The following ODR4 variants were observed in gnomAD, a reference collection of about 807,000 sequenced individuals.
ODR4 encodes protein odr-4 homolog.
ODR4 carries 47 observed loss-of-function variants against 60.2 expected under a neutral mutation model. The ratio of observed to expected loss-of-function variants is 0.78; its 90% CI spans 0.62 to 1.00. ODR4 has a LOEUF of 1.00. ODR4 is among the 50% of genes least tolerant of loss of function. The pLI, the probability that ODR4 is intolerant of heterozygous loss-of-function variation, is 0.00. For missense variants in ODR4, 488 were observed against 530.8 expected (o/e 0.92, Z 0.79); for synonymous variants, 178 against 175.5 (o/e 1.01, Z -0.11).
At chr1:186,378,222 C>G (rs1659867572) in intron 1 of ODR4, among the ~76,000 whole-genome samples, 2 of 152,156 alleles carry the variant, frequency 1.3e-5, no homozygotes, top group Non-Finnish European at 2.9e-5. Context: ...TTACTGGTAT[C>G]AGATATACCA....
chr1:186,395,531 T>C (rs1485106356), intron 9 of ODR4, among the ~76,000 whole-genome samples: 4 of 152,204 alleles, frequency 2.6e-5, no homozygotes, highest in African/African-American at 9.7e-5. Context: ...CAGTTAAGTC[T>C]TATTGATTCC....
chr1:186,379,503 C>T (rs1048420349), intron 1 of ODR4, among the ~76,000 whole-genome samples: 2 of 151,242 alleles, frequency 1.3e-5, no homozygotes, highest in African/African-American at 2.4e-5. Flanking sequence ...TATCCTCTCC[C>T]TTATCCCAGG....
intron 9 of ODR4, among the ~76,000 whole-genome samples, chr1:186,394,474 G>T (rs1401043479): frequency 6.6e-6 from 1 of 152,058 alleles, no homozygotes; most frequent in African/African-American, 2.4e-5. Context: ...ATGTATGGTT[G>T]CTTTAATTTA....
At chr1:186,379,375 A>G (rs1426711823) in intron 1 of ODR4, among the ~76,000 whole-genome samples, 1 of 150,618 alleles carries the variant, frequency 6.6e-6, no homozygotes, top group East Asian at 2.0e-4. Context: ...CCTGGGAGGC[A>G]GAGGTTACAG....
rs144111249 is a variant in ODR4 at position 186,410,596 on chromosome 1, G to A, written c.1186+4328G>A. ...TAAGAGTACCTAAGAACTCCATCAAGATTAGTGATCAGAATTTTAGGGTCT... is the reference window on the plus strand; with the variant it reads ...TAAGAGTACCTAAGAACTCCATCAAAATTAGTGATCAGAATTTTAGGGTCT... On this transcript the variant is annotated intron_variant, in intron 12 of 13. Coordinates refer to ENST00000287859, the MANE Select transcript of ODR4 (RefSeq NM_017847.6). Among the ~76,000 whole-genome samples, 23 of 152,298 alleles carry A rather than the reference G, an allele frequency of 1.5e-4. No homozygotes were observed. The East Asian group carries it at 4.2e-3, about 28-fold the overall frequency.
In ODR4 at chr1:186,382,269, A is replaced by G. The variant is rs560517501; in HGVS notation, c.100-753A>G. Among the ~76,000 whole-genome samples, 499 of 150,032 alleles carry G rather than the reference A, an allele frequency of 3.3e-3. 3 individuals carry two copies. The highest frequency in any genetic ancestry group is 2.4e-3 in the Admixed American group (36 of 15,062). ...AAAAGTAAAAAAAAAAAAAAAAAAA[A>G]GCCAGGCATTATGGCTGATTGTTTG... On this transcript the variant is annotated intron_variant, in intron 2 of 13. Transcript: ENST00000287859.
At chr1:186,423,443 C>G (rs1011978007), downstream of ODR4, among the ~76,000 whole-genome samples, 2 of 44,714 alleles carry the variant, frequency 4.5e-5, no homozygotes, top group African/African-American at 1.5e-4. Context: ...ACTACTTGTG[C>G]TTTTTTTTTT....
At chr1:186,402,370 C>CTCCT (rs538821057) in intron 11 of ODR4, among the ~76,000 whole-genome samples, 276 of 147,028 alleles carry the variant, frequency 1.9e-3, no homozygotes, top group Middle Eastern at 0.01. Context: ...CCTTTTCTCT[C>CTCCT]TCCTTCCTTC....
chr1:186,386,149 ATG>A, intron 4 of ODR4, 66 bp downstream of exon 4: 1 of 851,780 alleles, frequency 1.2e-6, no homozygotes. Context: ...GATTATGAGT[ATG>A]TGTAATGATT....
intron 2 of ODR4, among the ~76,000 whole-genome samples, 192 bp downstream of exon 2, chr1:186,380,076 C>T (rs1571656904): frequency 1.3e-5 from 2 of 152,076 alleles, no homozygotes; most frequent in Non-Finnish European, 2.9e-5. Context: ...ACAAACCTAG[C>T]CCAATTTTGC....
rs766816266 is a variant in ODR4 at position 186,388,410 on chromosome 1, A to T, written c.331-32A>T. Reference sequence around the variant, plus strand: ...CACTCATCTTTTTTTTTCATTTTACATTCAATTAGTGTGTATTTTTCTCTC... The same window carrying T: ...CACTCATCTTTTTTTTTCATTTTACTTTCAATTAGTGTGTATTTTTCTCTC... On this transcript the variant is annotated intron_variant, in intron 4 of 13. Coordinates refer to ENST00000287859, the MANE Select transcript of ODR4 (RefSeq NM_017847.6). 2.5e-5 allele frequency: 31 copies of T among 1,248,984 alleles called. No homozygotes were observed. In the Admixed American group the frequency reaches 8.2e-4, roughly 33 times the overall value. The allele number at this position is 1,248,984 out of a possible 1,614,324, so 77.4% of individuals were successfully genotyped here. A position where few individuals can be genotyped will look rare whatever the true frequency, so the allele number is the denominator to read the frequency against.
chr1:186,383,219 G>T, intron 3 of ODR4, 63 bp downstream of exon 3: 1 of 1,482,026 alleles, frequency 6.7e-7, no homozygotes, highest in Non-Finnish European at 9.0e-7. Flanking sequence ...GAATCAAGAA[G>T]ATTTAGTGAA....
At chr1:186,382,249 T>TAAAAAAAAAAA (rs1189752791) in intron 2 of ODR4, among the ~76,000 whole-genome samples, 1 of 79,906 alleles carries the variant, frequency 1.3e-5, no homozygotes, top group Non-Finnish European at 2.5e-5. Flanking sequence ...TACAAAAAAG[T>TAAAAAAAAAAA]AAAAAAAAAA....
chr1:186,420,466 C>A lies in ODR4; in HGVS notation c.*1390C>A, dbSNP rs1661734985. 1 of 152,170 alleles carries A rather than the reference C, an allele frequency of 6.6e-6. No homozygotes were observed. Among genetic ancestry groups the A allele is most frequent in the Non-Finnish European group, 1.5e-5 (1 of 68,032 alleles). 9.4% of individuals were successfully genotyped at this position (152,170 alleles called of 1,614,324 possible). A position where few individuals can be genotyped will look rare whatever the true frequency, so the allele number is the denominator to read the frequency against. ...GATCACAGGCACAAGTTGAAACAAA[C>A]TAACATGACAAGAAAGCTATAGAAA... On this transcript the variant is annotated 3_prime_UTR_variant, in exon 14 of 14. Coordinates refer to ENST00000287859, the MANE Select transcript of ODR4 (RefSeq NM_017847.6).
chr1:186,387,673 G>C (rs1660305725), intron 4 of ODR4, among the ~76,000 whole-genome samples: 1 of 152,134 alleles, frequency 6.6e-6, no homozygotes, highest in South Asian at 2.1e-4. Context: ...GTTTCCGGAA[G>C]AATTTCTTTT....
the ODR4 span, among the ~76,000 whole-genome samples, chr1:186,428,485 C>G: frequency 6.6e-6 from 1 of 152,168 alleles, no homozygotes; most frequent in Non-Finnish European, 1.5e-5. Flanking sequence ...TTTGATCTAT[C>G]TAAACCACTC....
chr1:186,395,359 C>G (rs910904425), intron 9 of ODR4, among the ~76,000 whole-genome samples: 2 of 152,094 alleles, frequency 1.3e-5, no homozygotes, highest in East Asian at 1.9e-4. Flanking sequence ...TCCCAAAGTG[C>G]TGGGATTACA....
In ODR4 at chr1:186,419,014, A is replaced by G; in HGVS notation, c.1303A>G (p.Ile435Val). 1 of 1,606,530 alleles carries G rather than the reference A, an allele frequency of 6.2e-7. No homozygotes were observed. Among genetic ancestry groups the G allele is most frequent in the South Asian group, 1.1e-5 (1 of 89,512 alleles). Residue 435 changes from isoleucine to valine, a missense_variant, in exon 14 of 14, where the codon ATT (isoleucine) becomes GTT (valine). Physicochemically the swap from Ile to Val is conservative, Grantham distance 29. Coordinates refer to ENST00000287859, the MANE Select transcript of ODR4 (RefSeq NM_017847.6). Reference sequence around the variant, plus strand: ...TGTGTTTGTTTTACTTTTAGGTGTGATTGCAGCATTTACAGTTGCAGTCCT... The same window carrying G: ...TGTGTTTGTTTTACTTTTAGGTGTGGTTGCAGCATTTACAGTTGCAGTCCT... ...LLKIQQNIGV[I>V]AAFTVAVLAA...
In ODR4 at chr1:186,406,141, C is replaced by T; in HGVS notation, c.1059C>T (p.Ser353=). The T allele has an allele frequency of 6.2e-7, 1 of 1,607,156 alleles. No homozygotes were observed. The highest frequency in any genetic ancestry group is 8.5e-7 in the Non-Finnish European group (1 of 1,176,708). The part of the protein sequence containing the change: ...PYRVFVPLPG[S]TVMLCDYKFD... Reference sequence around the variant, plus strand: ...GAGTCTTTGTTCCCCTTCCTGGATCCACTGTAATGTTGTGTGATTATAAAT... The same window carrying T: ...GAGTCTTTGTTCCCCTTCCTGGATCTACTGTAATGTTGTGTGATTATAAAT... Residue 353 remains serine (S), a synonymous_variant, in exon 12 of 14, where the codon TCC becomes TCT. Coordinates refer to ENST00000287859, the MANE Select transcript of ODR4 (RefSeq NM_017847.6).
Sources: allele counts gnomAD v4.1 joint callset (sites outside exome capture counted in the v4.1 genomes callset), GRCh38; gene constraint gnomAD v4.1.1; transcripts MANE v1.5; gene names NCBI Gene and HGNC (gene_info 2026-07-23, HGNC 2026-07-21).